FAM193A: variants seen among roughly 807,000 people sequenced by gnomAD.
The protein encoded by FAM193A is family with sequence similarity 193 member A, also known as protein FAM193A.
FAM193A carries 22 observed loss-of-function variants against 126.5 expected under a neutral mutation model. The ratio of observed to expected loss-of-function variants is 0.17; its 90% confidence interval spans 0.12 to 0.25. The LOEUF is 0.25. FAM193A is among the 10% of genes least tolerant of loss of function. The pLI is 1.00. For synonymous variants in FAM193A, 761 were observed against 646.8 expected (o/e 1.18, Z -2.68); for missense variants, 1,675 against 1,672.8 (o/e 1.00, Z -0.02).
At chr4:2,606,043 C>CTTT (rs1193120778) in intron 2 of FAM193A, among the ~76,000 whole-genome samples, 2 of 85,534 alleles carry the variant, frequency 2.3e-5, no homozygotes, top group African/African-American at 4.8e-5. Flanking sequence ...TTTTGCAAAC[C>CTTT]TCTTTTTTTT....
chr4:2,558,916 G>C (rs1360286764), intron 1 of FAM193A, among the ~76,000 whole-genome samples: 1 of 152,198 alleles, frequency 6.6e-6, no homozygotes, highest in Non-Finnish European at 1.5e-5. Context: ...CAGGAGAATT[G>C]CTTGAACCCA....
At chr4:2,723,346 C>T (rs188172622) in intron 20 of FAM193A, among the ~76,000 whole-genome samples, 61 of 151,668 alleles carry the variant, frequency 4.0e-4, no homozygotes, top group Admixed American at 1.1e-3. Flanking sequence ...GAGGCCAAGG[C>T]GGGTGGATCA....
chr4:2,598,942 C>T (rs1422420232), intron 2 of FAM193A, among the ~76,000 whole-genome samples: 1 of 152,204 alleles, frequency 6.6e-6, no homozygotes, highest in Non-Finnish European at 1.5e-5. Context: ...TCCCAGCGAG[C>T]CCACCTCTGC....
chr4:2,663,184 G>A lies in FAM193A; in HGVS notation c.1975G>A (p.Glu659Lys). The A allele has an allele frequency of 6.2e-7, 1 of 1,614,160 alleles. No homozygotes were observed. The highest frequency in any genetic ancestry group is 1.1e-5 in the South Asian group (1 of 91,080). ...AGAAGCGGACGGCGAGAGTAGTGGG[G>A]AGCCCCCAGGGGCCCCGAAGGAAGA... is the stretch of plus-strand genomic sequence containing the variant. ...DEEADGESSG[E>K]PPGAPKEDGV... Residue 659 changes from glutamate (E) to lysine (K), a missense_variant, in exon 12 of 21, where the codon GAG (glutamate) becomes AAG (lysine). Transcript: ENST00000637812.
At chr4:2,620,121 T>C (rs1742452199) in intron 2 of FAM193A, among the ~76,000 whole-genome samples, 1 of 152,210 alleles carries the variant, frequency 6.6e-6, no homozygotes, top group Non-Finnish European at 1.5e-5. Context: ...TATTTTTCTT[T>C]TAAATTGTGT....
At chr4:2,581,755 A>G (rs1358508428) in intron 1 of FAM193A, among the ~76,000 whole-genome samples, 3 of 148,834 alleles carry the variant, frequency 2.0e-5, no homozygotes, top group African/African-American at 5.0e-5. Context: ...CTGGGTTCAC[A>G]CCATTCTCCC....
At chr4:2,571,165 A>G (rs1210433320) in intron 1 of FAM193A, among the ~76,000 whole-genome samples, 1 of 152,142 alleles carries the variant, frequency 6.6e-6, no homozygotes, top group African/African-American at 2.4e-5. Flanking sequence ...TATTACTGGC[A>G]GTGTTGCTTT....
At chr4:2,547,820 T>C (rs1010185991) in intron 1 of FAM193A, among the ~76,000 whole-genome samples, 1 of 151,884 alleles carries the variant, frequency 6.6e-6, no homozygotes, top group Non-Finnish European at 1.5e-5. Context: ...AGATGGGATT[T>C]CACCATGTTG....
At chr4:2,583,420 C>T (rs1740064397) in intron 1 of FAM193A, among the ~76,000 whole-genome samples, 1 of 152,194 alleles carries the variant, frequency 6.6e-6, no homozygotes, top group Non-Finnish European at 1.5e-5. Flanking sequence ...TCCCTCTCTT[C>T]CCTTCCCCCT....
intron 15 of FAM193A, among the ~76,000 whole-genome samples, chr4:2,691,769 G>A (rs1332246990): frequency 5.2e-5 from 6 of 116,064 alleles, no homozygotes; most frequent in Non-Finnish European, 1.2e-4. Flanking sequence ...GTGAGACCCC[G>A]TCTCTAAAAA....
chr4:2,648,469 C>T (rs1745357297), intron 7 of FAM193A, among the ~76,000 whole-genome samples: 1 of 152,166 alleles, frequency 6.6e-6, no homozygotes, highest in Admixed American at 6.5e-5. Flanking sequence ...GGGTGTATTC[C>T]TAATTCATGT....
At chr4:2,630,493 AC>A (rs1743453029) in intron 4 of FAM193A, among the ~76,000 whole-genome samples, 1 of 152,184 alleles carries the variant, frequency 6.6e-6, no homozygotes, top group Non-Finnish European at 1.5e-5. Flanking sequence ...TTACTTGTTA[AC>A]ATATAAGCCT....
At chr4:2,561,280 C>T (rs895596509) in intron 1 of FAM193A, among the ~76,000 whole-genome samples, 3 of 145,430 alleles carry the variant, frequency 2.1e-5, no homozygotes, top group African/African-American at 7.7e-5. Flanking sequence ...TTCCGGGTTC[C>T]AGGCAGTTCT....
chr4:2,582,376 A>G (rs543075301), intron 1 of FAM193A, among the ~76,000 whole-genome samples: 1 of 152,184 alleles, frequency 6.6e-6, no homozygotes, highest in Non-Finnish European at 1.5e-5. Flanking sequence ...CCTGGGTTCA[A>G]GCAATCCTCT....
intron 1 of FAM193A, among the ~76,000 whole-genome samples, chr4:2,539,018 G>A (rs1023656737): frequency 6.6e-6 from 1 of 151,968 alleles, no homozygotes. Flanking sequence ...ACCCTCTCAA[G>A]TAGCTGGGAC....
intron 13 of FAM193A, among the ~76,000 whole-genome samples, chr4:2,687,104 C>T (rs1715824698): frequency 6.6e-6 from 1 of 152,038 alleles, no homozygotes; most frequent in African/African-American, 2.4e-5. Flanking sequence ...CCTTCCTGGG[C>T]CTGTTCCAGG....
chr4:2,719,556 AC>A (rs1429501392), intron 20 of FAM193A, among the ~76,000 whole-genome samples: 1 of 151,664 alleles, frequency 6.6e-6, no homozygotes, highest in Middle Eastern at 3.2e-3. Flanking sequence ...GATCAGCCTG[AC>A]CAACATGGAG....
intron 2 of FAM193A, among the ~76,000 whole-genome samples, chr4:2,619,019 A>G (rs1742377554): frequency 6.6e-6 from 1 of 152,218 alleles, no homozygotes; most frequent in African/African-American, 2.4e-5. Flanking sequence ...GGCGTGAGCC[A>G]TCGCGTCTGG....
intron 2 of FAM193A, among the ~76,000 whole-genome samples, chr4:2,604,652 C>CT (rs1388534386): frequency 5.9e-5 from 9 of 151,504 alleles, no homozygotes; most frequent in East Asian, 3.9e-4. Flanking sequence ...CCCTCCCATT[C>CT]TTTTTTTTGC....
Sources: allele counts gnomAD v4.1 joint callset (sites outside exome capture counted in the v4.1 genomes callset), GRCh38; gene constraint gnomAD v4.1.1; transcripts MANE v1.5; gene names NCBI Gene and HGNC (gene_info 2026-07-23, HGNC 2026-07-21).